The following PLA2R1 variants were observed in gnomAD, a reference collection of about 807,000 sequenced individuals.
The protein encoded by PLA2R1 is secretory phospholipase A2 receptor.
In PLA2R1, 158 loss-of-function variants were observed where a neutral mutation model predicts 195.9. The ratio of observed to expected loss-of-function variants is 0.81; its 90% CI spans 0.71 to 0.92. The LOEUF is 0.92. Among genes scored for constraint, PLA2R1 ranks in the 40% least tolerant of loss-of-function variants. The probability of loss-of-function intolerance (pLI) is 0.00; values close to 1 mark genes in which losing one functional copy is unlikely to be tolerated. For synonymous variants in PLA2R1, 586 were observed against 598.2 expected (o/e 0.98, Z 0.30); for missense variants, 1,626 against 1,764.6 (o/e 0.92, Z 1.41).
In PLA2R1 at chr2:159,934,614, T is replaced by C. The variant is rs1443894088; in HGVS notation, c.*7164A>G. 1 of 152,204 alleles carries C rather than the reference T, an allele frequency of 6.6e-6. No individual in the cohort carries two copies. Among genetic ancestry groups the C allele is most frequent in the Non-Finnish European group, 1.5e-5 (1 of 68,032 alleles). The allele number at this position is 152,204 out of a possible 1,614,324, so 9.4% of individuals were successfully genotyped here. On this transcript the variant is annotated 3_prime_UTR_variant, in exon 30 of 30. Coordinates refer to ENST00000283243, the MANE Select transcript of PLA2R1 (RefSeq NM_007366.5). ...TTTCAGAATATTATAAATAACAACA[T>C]GTAAAAATAAAAGTGCCTTATCACC...
intron 14 of PLA2R1, among the ~76,000 whole-genome samples, chr2:159,978,048 T>G (rs1689696252): frequency 2.0e-5 from 3 of 152,180 alleles, no homozygotes; most frequent in Non-Finnish European, 4.4e-5. Flanking sequence ...CTGGGAAAAT[T>G]TTCTAGCCTT....
At chr2:160,014,916 G>A (rs1456149878) in intron 9 of PLA2R1, among the ~76,000 whole-genome samples, 1 of 152,112 alleles carries the variant, frequency 6.6e-6, no homozygotes, top group African/African-American at 2.4e-5. Flanking sequence ...ACAGGGAGAG[G>A]GAGGCTGGCA....
intron 8 of PLA2R1, among the ~76,000 whole-genome samples, chr2:160,018,752 TG>T (rs2105458333): frequency 6.6e-6 from 1 of 152,370 alleles, no homozygotes; most frequent in Admixed American, 6.5e-5. Flanking sequence ...TGAGAGACAC[TG>T]CCTTAGCATG....
In PLA2R1 at chr2:160,044,937, G is replaced by C. The variant is rs147284017; in HGVS notation, c.330C>G (p.Leu110=). Residue 110 remains leucine, a synonymous_variant, in exon 2 of 30, where the codon CTC becomes CTG. Coordinates refer to ENST00000283243, the MANE Select transcript of PLA2R1 (RefSeq NM_007366.5). ...PLSLYECDST[L]VSLRWRCNRK... is the part of the protein sequence containing the mutation. ...TGTTACAGCGCCACCGTAAGGAAAC[G>C]AGGGTGGAGTCACATTCATATAAGC... 18 of 1,614,024 alleles carry C rather than the reference G, an allele frequency of 1.1e-5. No individual in the cohort carries two copies. The highest frequency in any genetic ancestry group is 1.5e-5 in the Non-Finnish European group (18 of 1,179,990).
downstream of PLA2R1, among the ~76,000 whole-genome samples, chr2:159,929,588 G>A (rs368886083): frequency 5.3e-5 from 8 of 152,190 alleles, no homozygotes; most frequent in Non-Finnish European, 1.2e-4. Context: ...GGAAAACAGT[G>A]TGGAGATTCC....
At chr2:160,013,703 GTCTC>G (rs879130648) in intron 9 of PLA2R1, among the ~76,000 whole-genome samples, 4,402 of 92,444 alleles carry the variant, frequency 0.048, 165 homozygotes, top group East Asian at 0.086. Context: ...CTCTCTCTCT[GTCTC>G]TCTCTCTCTC....
At chr2:160,006,506 T>C (rs1156436121) in intron 10 of PLA2R1, among the ~76,000 whole-genome samples, 1 of 152,218 alleles carries the variant, frequency 6.6e-6, no homozygotes, top group African/African-American at 2.4e-5. Context: ...TGTTCAATGA[T>C]TGGTGGCAGT....
chr2:160,044,213 C>T (rs2105609933), intron 2 of PLA2R1, among the ~76,000 whole-genome samples: 1 of 152,122 alleles, frequency 6.6e-6, no homozygotes, highest in South Asian at 2.1e-4. Flanking sequence ...ACCATGCTTC[C>T]CCACCAACCA....
intron 19 of PLA2R1, 118 bp downstream of exon 19, chr2:159,969,138 C>G: frequency 1.7e-6 from 1 of 603,516 alleles, no homozygotes; most frequent in Non-Finnish European, 2.9e-6. Context: ...CTGAACACGT[C>G]AACTGAAAAG....
At position 159,976,580 on chromosome 2, in the gene PLA2R1, G is replaced by A. The variant is rs1056276619; in HGVS notation, c.2437+105C>T. 8 of 741,812 alleles carry A rather than the reference G, an allele frequency of 1.1e-5. 1 individual carries two copies. Among genetic ancestry groups the A allele is most frequent in the Non-Finnish European group, 1.2e-5 (5 of 428,888 alleles). The allele number at this position is 741,812 out of a possible 1,614,324, so 46.0% of individuals were successfully genotyped here. Reference sequence around the variant, plus strand: ...AGCTCTAGGTTGACACAAGAAAAGAGAGGCTCGATTTGAGAAATGTAACAA... The same window carrying A: ...AGCTCTAGGTTGACACAAGAAAAGAAAGGCTCGATTTGAGAAATGTAACAA... On this transcript the variant is annotated intron_variant, in intron 16 of 29. Transcript: ENST00000283243.
chr2:160,041,417 T>C lies in PLA2R1; in HGVS notation c.667+608A>G, dbSNP rs553250321. Among the ~76,000 whole-genome samples the C allele has an allele frequency of 2.0e-5, 3 of 151,554 alleles. No homozygotes were observed. The South Asian group carries it at 6.3e-4, about 32-fold the overall frequency. ...TAAGGCACTAACTGAAAAAAAGAAG[T>C]TAGAACATTGCCACTGCCATTGAAC... On this transcript the variant is annotated intron_variant, in intron 3 of 29. Coordinates refer to ENST00000283243, the MANE Select transcript of PLA2R1 (RefSeq NM_007366.5).
chr2:159,976,307 C>G, intron 16 of PLA2R1, 82 bp from the exon 17 acceptor site: 1 of 883,098 alleles, frequency 1.1e-6, no homozygotes, highest in South Asian at 1.7e-5. Context: ...TTTGGTCACT[C>G]AACATTAAAA....
At chr2:160,058,534 T>G (rs945090099) in intron 1 of PLA2R1, among the ~76,000 whole-genome samples, 1 of 151,802 alleles carries the variant, frequency 6.6e-6, no homozygotes, top group African/African-American at 2.4e-5. Flanking sequence ...TTTTCAACCC[T>G]CAACAAAGCT....
intron 10 of PLA2R1, among the ~76,000 whole-genome samples, chr2:160,007,501 G>C (rs1692076122): frequency 6.6e-6 from 1 of 152,248 alleles, no homozygotes; most frequent in South Asian, 2.1e-4. Context: ...GACATCCAGA[G>C]GAACACACCG....
chr2:159,981,106 A>G (rs1689918662), intron 13 of PLA2R1, among the ~76,000 whole-genome samples: 1 of 151,954 alleles, frequency 6.6e-6, no homozygotes, highest in Non-Finnish European at 1.5e-5. Flanking sequence ...TCAGAGTTCT[A>G]TGTCTTTCCT....
intron 25 of PLA2R1, 127 bp from the exon 26 acceptor site, chr2:159,947,686 G>A: frequency 1.1e-6 from 1 of 884,768 alleles, no homozygotes; most frequent in Non-Finnish European, 1.8e-6. Context: ...GTAATACTCT[G>A]AAAGATTGGG....
intron 1 of PLA2R1, among the ~76,000 whole-genome samples, chr2:160,061,350 T>G (rs540448650): frequency 1.1e-4 from 17 of 152,262 alleles, no homozygotes; most frequent in African/African-American, 3.9e-4. Flanking sequence ...CTTCTGAGTC[T>G]CATGTGTAGT....
Position 159,957,862 on chromosome 2 carries a change from T to C in PLA2R1, c.2905-1235A>G, listed in dbSNP as rs146817278. ...AATTCCAGAGAGGTCAGGAGAAACT[T>C]TATGCAAAGGATGTTTCATCTGGAA... is the stretch of plus-strand genomic sequence containing the variant. On this transcript the variant is annotated intron_variant, in intron 20 of 29. Coordinates refer to ENST00000283243, the MANE Select transcript of PLA2R1 (RefSeq NM_007366.5). 4.3e-4 allele frequency among the ~76,000 whole-genome samples: 65 copies of C among 152,216 alleles called. 1 individual carries two copies. In the East Asian group the frequency reaches 0.011, roughly 27 times the overall value.
chr2:160,033,039 C>G lies in PLA2R1; in HGVS notation c.761G>C (p.Ser254Thr). The G allele has an allele frequency of 6.2e-7, 1 of 1,613,588 alleles. No homozygotes were observed. The highest frequency in any genetic ancestry group is 8.5e-7 in the Non-Finnish European group (1 of 1,179,638). Residue 254 changes from serine (S) to threonine (T), a missense_variant, in exon 4 of 30, where the codon AGT becomes ACT. Ser to Thr is a moderately conservative substitution (Grantham distance 58). Coordinates refer to ENST00000283243, the MANE Select transcript of PLA2R1 (RefSeq NM_007366.5). ...QFNLLSSLSWSEAHSSCQMQG... is the reference protein window; with the variant it reads ...QFNLLSSLSWTEAHSSCQMQG... ...CATCTGGCATGAAGAATGTGCCTCA[C>G]TCCAAGAGAGAGATGAAAGCAGGTT... is the stretch of plus-strand genomic sequence containing the variant.
Sources: gnomAD v4.1 joint callset for allele counts (sites outside exome capture counted in the v4.1 genomes callset) on GRCh38, gnomAD v4.1.1 for gene constraint, MANE v1.5 for transcripts, NCBI Gene and HGNC (gene_info 2026-07-23, HGNC 2026-07-21) for gene names.